PTPRK: variants seen among roughly 807,000 people sequenced by gnomAD.
PTPRK encodes the protein protein tyrosine phosphatase receptor type K, also known as receptor-type tyrosine-protein phosphatase kappa.
PTPRK carries 75 observed loss-of-function variants against 178.0 expected under a neutral mutation model. The observed-to-expected ratio is 0.42, with a 90% CI of 0.35 to 0.51. The LOEUF (loss-of-function observed/expected upper bound fraction) is 0.51, where lower values mean the gene tolerates loss of function less well. PTPRK is among the 20% of genes least tolerant of loss of function. The probability of loss-of-function intolerance (pLI) is 0.02; values close to 1 mark genes in which losing one functional copy is unlikely to be tolerated. For missense variants in PTPRK, 1,441 were observed against 1,797.8 expected, an observed-to-expected ratio of 0.80 and a Z score of 3.59; for synonymous variants, 637 against 620.6, an observed-to-expected ratio of 1.03 and a Z score of -0.39.
At chr6:128,054,791 G>C (rs1463147888) in intron 13 of PTPRK, among the ~76,000 whole-genome samples, 2 of 152,164 alleles carry the variant, frequency 1.3e-5, no homozygotes, top group Non-Finnish European at 2.9e-5. Context: ...CCCTCAGAGA[G>C]CCTTGACCAT....
At chr6:128,375,251 G>A (rs987711711) in intron 2 of PTPRK, among the ~76,000 whole-genome samples, 1 of 151,710 alleles carries the variant, frequency 6.6e-6, no homozygotes, top group Non-Finnish European at 1.5e-5. Context: ...CATACCTGAG[G>A]CTGGGTAAAT....
At chr6:128,228,893 G>C (rs1466011545) in intron 5 of PTPRK, among the ~76,000 whole-genome samples, 1 of 152,034 alleles carries the variant, frequency 6.6e-6, no homozygotes, top group Non-Finnish European at 1.5e-5. Context: ...TACCTATTCT[G>C]TCTGTGAAAG....
chr6:128,421,525 G>A lies in PTPRK; in HGVS notation c.101-23837C>T, dbSNP rs775922765. Among the ~76,000 whole-genome samples, 6 of 151,986 alleles carry A rather than the reference G, an allele frequency of 3.9e-5. 1 individual carries two copies. The highest frequency in any genetic ancestry group is 2.1e-4 in the South Asian group (1 of 4,826). On this transcript the variant is annotated intron_variant, in intron 1 of 29. Transcript: ENST00000368226. ...CTCCTCTGACAAAGATTCGAAACTC[G>A]TTGAATATAAGAACAGGATTTTTTA...
intron 13 of PTPRK, among the ~76,000 whole-genome samples, chr6:128,058,008 C>T (rs1325159413): frequency 3.3e-5 from 5 of 152,208 alleles, no homozygotes; most frequent in South Asian, 2.1e-4. Flanking sequence ...TCATAGTTTG[C>T]ATTCTTTGCT....
chr6:128,009,280 A>C lies in PTPRK; in HGVS notation c.2195-12T>G. The C allele has an allele frequency of 6.4e-7, 1 of 1,566,540 alleles. No homozygotes were observed. Among genetic ancestry groups the C allele is most frequent in the Non-Finnish European group, 8.6e-7 (1 of 1,156,278 alleles). On this transcript the variant is annotated splice_polypyrimidine_tract_variant and intron_variant, in intron 13 of 29. Coordinates refer to ENST00000368226, the MANE Select transcript of PTPRK (RefSeq NM_002844.4). Reference sequence around the variant, plus strand: ...TTCTGTTGCTGCTGCTAAATGGATAAAAAAAAAAATCAGTTACTGAAAGAA... The same window carrying C: ...TTCTGTTGCTGCTGCTAAATGGATACAAAAAAAAATCAGTTACTGAAAGAA...
intron 3 of PTPRK, among the ~76,000 whole-genome samples, chr6:128,262,401 GTTATC>G (rs948356111): frequency 6.6e-5 from 10 of 152,096 alleles, no homozygotes; most frequent in Admixed American, 2.6e-4. Context: ...TTCAATATCT[GTTATC>G]TTATCCTAAA....
chr6:128,284,368 A>T (rs888717628), intron 3 of PTPRK, among the ~76,000 whole-genome samples: 2 of 152,142 alleles, frequency 1.3e-5, no homozygotes, highest in African/African-American at 4.8e-5. Context: ...CACCCTTCAC[A>T]ATCAGGGCAC....
At chr6:128,085,028 AAGAAAT>A (rs1172640800) in intron 8 of PTPRK, 1 of 152,206 alleles carries the variant, frequency 6.6e-6, no homozygotes, top group Non-Finnish European at 1.5e-5. Flanking sequence ...TAGGAGCATC[AAGAAAT>A]TCTGAATGAT....
At chr6:128,360,555 A>G (rs960222823) in intron 2 of PTPRK, among the ~76,000 whole-genome samples, 3 of 152,292 alleles carry the variant, frequency 2.0e-5, no homozygotes, top group African/African-American at 7.2e-5. Context: ...TAACCTAATA[A>G]GTATGGTGAA....
intron 7 of PTPRK, among the ~76,000 whole-genome samples, chr6:128,163,968 C>T (rs1393971656): frequency 1.3e-5 from 2 of 151,300 alleles, no homozygotes; most frequent in East Asian, 3.9e-4. Flanking sequence ...TCTCCTATGG[C>T]CTAAATACAA....
chr6:128,011,377 C>T (rs1779032274), intron 13 of PTPRK, among the ~76,000 whole-genome samples: 1 of 151,110 alleles, frequency 6.6e-6, no homozygotes, highest in South Asian at 2.1e-4. Context: ...TGAAAATTCT[C>T]TGGAAGAGCA....
At chr6:128,045,366 G>A (rs1052607970) in intron 13 of PTPRK, among the ~76,000 whole-genome samples, 2 of 151,564 alleles carry the variant, frequency 1.3e-5, no homozygotes, top group African/African-American at 4.9e-5. Context: ...GTGGAGGCAA[G>A]GTTAAAAAAT....
At chr6:128,503,954 G>A (rs1454621512) in intron 1 of PTPRK, among the ~76,000 whole-genome samples, 1 of 151,226 alleles carries the variant, frequency 6.6e-6, no homozygotes, top group East Asian at 2.0e-4. Flanking sequence ...TCCTGGAAAT[G>A]CACAAATCAA....
chr6:128,160,208 C>T (rs539140890), intron 7 of PTPRK, among the ~76,000 whole-genome samples: 1 of 151,718 alleles, frequency 6.6e-6, no homozygotes, highest in South Asian at 2.1e-4. Flanking sequence ...GTGATAACTA[C>T]ATTCATTCTA....
intron 3 of PTPRK, among the ~76,000 whole-genome samples, chr6:128,295,345 G>A (rs933347593): frequency 5.3e-5 from 8 of 152,006 alleles, no homozygotes; most frequent in Non-Finnish European, 1.0e-4. Context: ...TACAGGATAC[G>A]GAAAAACCAT....
intron 7 of PTPRK, among the ~76,000 whole-genome samples, chr6:128,134,362 T>G (rs1794707489): frequency 1.3e-5 from 2 of 152,204 alleles, no homozygotes; most frequent in Admixed American, 1.3e-4. Flanking sequence ...TACTCTGCCT[T>G]GTGATAACTG....
intron 7 of PTPRK, among the ~76,000 whole-genome samples, chr6:128,131,411 T>C (rs1254026531): frequency 6.6e-6 from 1 of 152,160 alleles, no homozygotes; most frequent in Non-Finnish European, 1.5e-5. Context: ...ACGACCACTA[T>C]GAATGCTCTA....
At chr6:128,090,862 T>A (rs1786799233) in intron 7 of PTPRK, among the ~76,000 whole-genome samples, 1 of 152,168 alleles carries the variant, frequency 6.6e-6, no homozygotes, top group Non-Finnish European at 1.5e-5. Context: ...AAACTTTAAT[T>A]CATTGATTTG....
At chr6:128,293,363 T>TG (rs1823730029) in intron 3 of PTPRK, among the ~76,000 whole-genome samples, 1 of 152,048 alleles carries the variant, frequency 6.6e-6, no homozygotes, top group Non-Finnish European at 1.5e-5. Flanking sequence ...ATGCTGTGTT[T>TG]TCACATGGTG....
Sources: allele counts gnomAD v4.1 joint callset (sites outside exome capture counted in the v4.1 genomes callset), GRCh38; gene constraint gnomAD v4.1.1; transcripts MANE v1.5; gene names NCBI Gene and HGNC (gene_info 2026-07-23, HGNC 2026-07-21).